Variants in FBXL17 observed in about 807,000 individuals in gnomAD.
FBXL17 encodes F-box and leucine rich repeat protein 17.
Under a neutral mutation model 66.2 loss-of-function variants are expected in FBXL17, and 22 were observed. The observed-to-expected ratio is 0.33, with a 90% CI of 0.24 to 0.47. The LOEUF is 0.47. FBXL17 is among the 20% of genes least tolerant of loss of function. The pLI is 1.00. For synonymous variants in FBXL17, 474 were observed against 400.5 expected, an observed-to-expected ratio of 1.18 and a Z score of -2.19; for missense variants, 878 against 948.2, an observed-to-expected ratio of 0.93 and a Z score of 0.97.
intron 1 of FBXL17, among the ~76,000 whole-genome samples, chr5:108,379,321 T>C (rs1437874892): frequency 2.0e-5 from 3 of 152,220 alleles, no homozygotes; most frequent in Admixed American, 2.0e-4. Context: ...TTTATCCATA[T>C]CACCCAGTGA....
intron 7 of FBXL17, among the ~76,000 whole-genome samples, chr5:107,976,499 A>G (rs1188305300): frequency 1.3e-5 from 2 of 152,160 alleles, no homozygotes; most frequent in African/African-American, 4.8e-5. Flanking sequence ...ATAAACACAA[A>G]GACTGAGTGG....
chr5:108,127,090 GTTT>G (rs1343921123), intron 6 of FBXL17, among the ~76,000 whole-genome samples: 1 of 152,056 alleles, frequency 6.6e-6, no homozygotes, highest in Non-Finnish European at 1.5e-5. Context: ...TGTATGTTTT[GTTT>G]TTTAGTTTGC....
At chr5:108,067,848 C>A (rs1366420108) in intron 6 of FBXL17, among the ~76,000 whole-genome samples, 1 of 152,172 alleles carries the variant, frequency 6.6e-6, no homozygotes, top group Non-Finnish European at 1.5e-5. Flanking sequence ...ATATTTGTCA[C>A]TCCCTGTTGA....
intron 7 of FBXL17, among the ~76,000 whole-genome samples, chr5:107,915,071 T>C (rs1413248179): frequency 6.6e-6 from 1 of 152,190 alleles, no homozygotes; most frequent in Non-Finnish European, 1.5e-5. Flanking sequence ...ATCTTTTGTA[T>C]AAAGAAAATC....
chr5:108,380,855 G>C lies in FBXL17; in HGVS notation c.837C>G (p.Val279=), dbSNP rs960075021. 1 of 1,246,062 alleles carries C rather than the reference G, an allele frequency of 8.0e-7. No individual in the cohort carries two copies. The highest frequency in any genetic ancestry group is 1.6e-5 in the African/African-American group (1 of 64,472). The allele number at this position is 1,246,062 out of a possible 1,614,324, so 77.2% of individuals were successfully genotyped here. A position where few individuals can be genotyped will look rare whatever the true frequency, so the allele number is the denominator to read the frequency against. The change falls in exon 1 of 9, where the codon GTC becomes GTG. Residue 279 remains valine (V), a synonymous_variant. Transcript: ENST00000542267. ...ACAAGGGGGCGGTGCCCCCGGCTCG[G>C]ACAGCGTCCCCGCCAGCTTCGGTGG... ...GAPTEAGGDA[V]RAGGTAPLSA...
chr5:107,881,065 C>T lies in FBXL17; in HGVS notation c.1937G>A (p.Arg646Lys), dbSNP rs751582312. 3.1e-6 allele frequency: 5 copies of T among 1,614,082 alleles called. No individual in the cohort carries two copies. In the Admixed American group the frequency reaches 8.3e-5, roughly 27 times the overall value. Residue 646 changes from arginine (R) to lysine (K), a missense_variant, in exon 8 of 9, where the codon AGA (arginine) becomes AAA (lysine). By Grantham distance (26) the Arg-to-Lys change is conservative (BLOSUM62 2). Transcript: ENST00000542267. ...TLIAQSSKSL[R>K]YLGLMRCDKV... ...ATCACATCTCATCAGCCCCAAATAT[C>T]TCAGAGACTTGCTGCTCTGTGCAAT...
intron 6 of FBXL17, among the ~76,000 whole-genome samples, chr5:108,086,988 T>C (rs1748999392): frequency 6.6e-6 from 1 of 152,118 alleles, no homozygotes; most frequent in Non-Finnish European, 1.5e-5. Flanking sequence ...GTCACCTTGC[T>C]ACCAACAGAG....
At chr5:108,375,112 G>T (rs1414628549) in intron 1 of FBXL17, among the ~76,000 whole-genome samples, 3 of 152,112 alleles carry the variant, frequency 2.0e-5, no homozygotes, top group Non-Finnish European at 4.4e-5. Context: ...CCAGCACTTT[G>T]GGAAGCCAAA....
chr5:108,249,674 G>C (rs1269775433), intron 4 of FBXL17, among the ~76,000 whole-genome samples: 1 of 152,066 alleles, frequency 6.6e-6, no homozygotes, highest in Admixed American at 6.6e-5. Flanking sequence ...TTCTGGGTTT[G>C]GCCTCAGTTC....
At chr5:107,870,667 C>T (rs1210585040) in intron 8 of FBXL17, among the ~76,000 whole-genome samples, 1 of 151,578 alleles carries the variant, frequency 6.6e-6, no homozygotes, top group Admixed American at 6.6e-5. Flanking sequence ...CTCACTGCAA[C>T]CTCCGCCTCC....
Position 107,969,099 on chromosome 5 carries a change from G to T in FBXL17, c.1822+51826C>A, listed in dbSNP as rs1375201843. ...CATCACTTATATATTGTTTATGGCT[G>T]CCTTCCCAGTGCAATGACACAGTGG... On this transcript the variant is annotated intron_variant, in intron 7 of 8. Transcript: ENST00000542267. 3.9e-5 allele frequency among the ~76,000 whole-genome samples: 6 copies of T among 152,240 alleles called. No homozygotes were observed. In the East Asian group the frequency reaches 7.7e-4, roughly 20 times the overall value.
intron 3 of FBXL17, among the ~76,000 whole-genome samples, chr5:108,362,551 T>C (rs1180991943): frequency 6.6e-6 from 1 of 152,114 alleles, no homozygotes; most frequent in Non-Finnish European, 1.5e-5. Context: ...GGTAAAATTA[T>C]TTTGAGTGAC....
chr5:108,342,715 G>T (rs73781330), intron 4 of FBXL17, among the ~76,000 whole-genome samples: 7,256 of 152,138 alleles, frequency 0.048, 579 homozygotes, highest in African/African-American at 0.17. Flanking sequence ...TACCTCACTG[G>T]TAAAATTGGA....
intron 7 of FBXL17, among the ~76,000 whole-genome samples, chr5:108,008,276 C>A (rs1754015703): frequency 6.6e-6 from 1 of 152,122 alleles, no homozygotes; most frequent in Non-Finnish European, 1.5e-5. Flanking sequence ...TAATCTGTTC[C>A]AATTTATAAT....
At chr5:108,259,718 G>A (rs1011715208) in intron 4 of FBXL17, among the ~76,000 whole-genome samples, 7 of 152,038 alleles carry the variant, frequency 4.6e-5, no homozygotes, top group Admixed American at 3.9e-4. Flanking sequence ...AAAAGCAAAA[G>A]GAAGTCCCAA....
intron 6 of FBXL17, among the ~76,000 whole-genome samples, chr5:108,139,407 A>T (rs1237145344): frequency 6.6e-6 from 1 of 152,216 alleles, no homozygotes; most frequent in Non-Finnish European, 1.5e-5. Flanking sequence ...CAGCACCTCC[A>T]GTTTCAGTTT....
rs1330010969 is a variant in FBXL17 at position 108,381,987 on chromosome 5, C to A, written c.-296G>T. 10 of 1,183,142 alleles carry A rather than the reference C, an allele frequency of 8.5e-6. No homozygotes were observed. The highest frequency in any genetic ancestry group is 9.4e-6 in the Non-Finnish European group (9 of 954,802). The allele number at this position is 1,183,142 out of a possible 1,614,324, so 73.3% of individuals were successfully genotyped here. On this transcript the variant is annotated 5_prime_UTR_variant, in exon 1 of 9. Transcript: ENST00000542267. ...CGAGCCTGCCGGCTAGGCGACCAGT[C>A]CGGGCCCGGCCAGCCGGCTCAGTCA...
At chr5:108,251,795 T>C (rs2150114131) in intron 4 of FBXL17, among the ~76,000 whole-genome samples, 1 of 152,276 alleles carries the variant, frequency 6.6e-6, no homozygotes, top group South Asian at 2.1e-4. Flanking sequence ...TAAGTTTTTA[T>C]TCTTTATATA....
intron 6 of FBXL17, among the ~76,000 whole-genome samples, chr5:108,145,436 T>A (rs1235676746): frequency 6.6e-6 from 1 of 152,140 alleles, no homozygotes. Context: ...ACCAGATAGG[T>A]AAAGACATCT....
Sources: allele counts gnomAD v4.1 joint callset (sites outside exome capture counted in the v4.1 genomes callset), GRCh38; gene constraint gnomAD v4.1.1; transcripts MANE v1.5; gene names NCBI Gene and HGNC (gene_info 2026-07-23, HGNC 2026-07-21).